KIRREL3: variants seen among roughly 807,000 people sequenced by gnomAD.
The protein encoded by KIRREL3 is kirre like nephrin family adhesion molecule 3.
A neutral mutation model predicts 89.7 loss-of-function variants in KIRREL3; 36 were observed. That is an observed-to-expected ratio of 0.40 (90% CI 0.31 to 0.53). The LOEUF is 0.53. Ranked by LOEUF, KIRREL3 falls within the 20% of genes least tolerant of loss-of-function variation. The pLI is 0.49. For synonymous variants in KIRREL3, 445 were observed against 441.4 expected (o/e 1.01, Z -0.10); for missense variants, 864 against 1,056.6 (o/e 0.82, Z 2.53).
rs1398660057 is a variant in KIRREL3, at chr11:126,796,346, T to C, written c.55+204109A>G. ...TCCCAGACTGGGCTGACCCAGGGCA[T>C]CAGGGCTGGGGATTGTCTTGGATGG... On this transcript the variant is annotated intron_variant, in intron 1 of 16. Coordinates refer to ENST00000525144, the MANE Select transcript of KIRREL3 (RefSeq NM_032531.4). This position sits in a 1 kb window ranked among gnomAD's most constrained non-coding sequence, Gnocchi z 5.1. Among the ~76,000 whole-genome samples the C allele has an allele frequency of 6.6e-6, 1 of 152,210 alleles. No homozygotes were observed. The highest frequency in any genetic ancestry group is 1.5e-5 in the Non-Finnish European group (1 of 68,040).
rs1947001760 is a variant in KIRREL3 at position 126,694,358 on chromosome 11, C to T, written c.56-131446G>A. ...TCCATTGTATCCTAGTGAGCGTGCACCGGAGTTGTGTCTCCCCTGGCTGTG... is the reference window on the plus strand; with the variant it reads ...TCCATTGTATCCTAGTGAGCGTGCATCGGAGTTGTGTCTCCCCTGGCTGTG... On this transcript the variant is annotated intron_variant, in intron 1 of 16. Coordinates refer to ENST00000525144, the MANE Select transcript of KIRREL3 (RefSeq NM_032531.4). The surrounding 1 kb of genome is among the most constrained non-coding windows in gnomAD (Gnocchi z 4.4). Among the ~76,000 whole-genome samples, 1 of 152,140 alleles carries T rather than the reference C, an allele frequency of 6.6e-6. No individual in the cohort carries two copies. Among genetic ancestry groups the T allele is most frequent in the African/African-American group, 2.4e-5 (1 of 41,430 alleles).
intron 1 of KIRREL3, among the ~76,000 whole-genome samples, chr11:126,911,153 C>G (rs369212211): frequency 6.6e-6 from 1 of 152,080 alleles, no homozygotes; most frequent in East Asian, 1.9e-4. Context: ...GAGGGTGGTG[C>G]TGGTGATGAC....
chr11:126,878,993 G>A (rs1340073382), intron 1 of KIRREL3, among the ~76,000 whole-genome samples: 7 of 152,208 alleles, frequency 4.6e-5, no homozygotes, highest in Non-Finnish European at 8.8e-5. Flanking sequence ...CAATATTAAA[G>A]ACGATCTCTC....
At position 126,541,514 on chromosome 11, in the gene KIRREL3, A is replaced by T. The variant is rs1346757238; in HGVS notation, c.134-14827T>A. 6.6e-6 allele frequency among the ~76,000 whole-genome samples: 1 copy of T among 152,236 alleles called. No individual in the cohort carries two copies. The highest frequency in any genetic ancestry group is 1.5e-5 in the Non-Finnish European group (1 of 68,048). On this transcript the variant is annotated intron_variant, in intron 2 of 16. Coordinates refer to ENST00000525144, the MANE Select transcript of KIRREL3 (RefSeq NM_032531.4). This position sits in a 1 kb window ranked among gnomAD's most constrained non-coding sequence, Gnocchi z 4.8. ...CTCAGATCTATATCCTAAACATTAA[A>T]AAAAGTAAACAAAATAATCATTTAT...
At chr11:126,482,800 A>C (rs1042555492) in intron 4 of KIRREL3, among the ~76,000 whole-genome samples, 2 of 152,088 alleles carry the variant, frequency 1.3e-5, no homozygotes, top group Non-Finnish European at 2.9e-5. Flanking sequence ...GGGCCCCCCC[A>C]CATTCTGTGC....
rs1300126978 is a variant in KIRREL3, at chr11:126,780,149, C to A, written c.56-217237G>T. ...TGGACATGGAAGCACAGGGGAGAGACAAGCGGGGAGAAATTCAGGTTCAAT... is the reference window on the plus strand; with the variant it reads ...TGGACATGGAAGCACAGGGGAGAGAAAAGCGGGGAGAAATTCAGGTTCAAT... On this transcript the variant is annotated intron_variant, in intron 1 of 16. Coordinates refer to ENST00000525144, the MANE Select transcript of KIRREL3 (RefSeq NM_032531.4). The surrounding 1 kb of genome is among the most constrained non-coding windows in gnomAD (Gnocchi z 5.3). Among the ~76,000 whole-genome samples, 1 of 152,018 alleles carries A rather than the reference C, an allele frequency of 6.6e-6. No homozygotes were observed. Among genetic ancestry groups the A allele is most frequent in the African/African-American group, 2.4e-5 (1 of 41,378 alleles).
chr11:126,871,384 T>C (rs186161046), intron 1 of KIRREL3, among the ~76,000 whole-genome samples: 1 of 152,344 alleles, frequency 6.6e-6, no homozygotes, highest in African/African-American at 2.4e-5. Flanking sequence ...TACATTATGC[T>C]GTGTGACTTT....
chr11:126,491,889 A>T lies in KIRREL3; in HGVS notation c.434-18423T>A, dbSNP rs952420718. Among the ~76,000 whole-genome samples the T allele has an allele frequency of 2.0e-5, 3 of 151,912 alleles. No individual in the cohort carries two copies. The highest frequency in any genetic ancestry group is 7.3e-5 in the African/African-American group (3 of 41,330). ...GCTAATTTTTGTATTTTTAGTAGAGATGGGGTTTCACCATGTTGGCCAGGC... is the reference window on the plus strand; with the variant it reads ...GCTAATTTTTGTATTTTTAGTAGAGTTGGGGTTTCACCATGTTGGCCAGGC... On this transcript the variant is annotated intron_variant, in intron 4 of 16. Coordinates refer to ENST00000525144, the MANE Select transcript of KIRREL3 (RefSeq NM_032531.4). This position sits in a 1 kb window ranked among gnomAD's most constrained non-coding sequence, Gnocchi z 5.5.
intron 1 of KIRREL3, among the ~76,000 whole-genome samples, chr11:126,818,366 G>A (rs1951652174): frequency 1.3e-5 from 2 of 152,136 alleles, no homozygotes; most frequent in South Asian, 4.2e-4. Flanking sequence ...GGCTCAATAG[G>A]CTTTCACATA....
rs1351332639 is a variant in KIRREL3, at chr11:126,987,886, T to C, written c.55+12569A>G. Among the ~76,000 whole-genome samples, 1 of 152,222 alleles carries C rather than the reference T, an allele frequency of 6.6e-6. No homozygotes were observed. Among genetic ancestry groups the C allele is most frequent in the Non-Finnish European group, 1.5e-5 (1 of 68,036 alleles). On this transcript the variant is annotated intron_variant, in intron 1 of 16. Coordinates refer to ENST00000525144, the MANE Select transcript of KIRREL3 (RefSeq NM_032531.4). This position sits in a 1 kb window ranked among gnomAD's most constrained non-coding sequence, Gnocchi z 4.6. ...GGTAGACATGTGCCATCTTCTAAAATGATTTCTGACACAAGGTAAGTTGTA... is the reference window on the plus strand; with the variant it reads ...GGTAGACATGTGCCATCTTCTAAAACGATTTCTGACACAAGGTAAGTTGTA...
rs1944269781 is a variant in KIRREL3 at position 126,636,514 on chromosome 11, T to A, written c.56-73602A>T. 6.6e-6 allele frequency among the ~76,000 whole-genome samples: 1 copy of A among 152,198 alleles called. No homozygotes were observed. Among genetic ancestry groups the A allele is most frequent in the Admixed American group, 6.5e-5 (1 of 15,284 alleles). ...TGGATATGTGGCAGCTCTGCCTTCG[T>A]GTTGGGCTCACATTACAGACATTTG... On this transcript the variant is annotated intron_variant, in intron 1 of 16. Transcript: ENST00000525144. The surrounding 1 kb of genome is among the most constrained non-coding windows in gnomAD (Gnocchi z 4.4).
chr11:127,000,536 C>T lies in KIRREL3; in HGVS notation c.-27G>A. 1 of 1,591,362 alleles carries T rather than the reference C, an allele frequency of 6.3e-7. No individual in the cohort carries two copies. Among genetic ancestry groups the T allele is most frequent in the Non-Finnish European group, 8.6e-7 (1 of 1,169,128 alleles). On this transcript the variant is annotated 5_prime_UTR_variant, in exon 1 of 17. Coordinates refer to ENST00000525144, the MANE Select transcript of KIRREL3 (RefSeq NM_032531.4). The surrounding 1 kb of genome is among the most constrained non-coding windows in gnomAD (Gnocchi z 7.1). Reference sequence around the variant, plus strand: ...CCTTAGCGCAGCGAAGGAAAGCCGGCGGGGTAACTTGGCTGTGGTTAGTTT... The same window carrying T: ...CCTTAGCGCAGCGAAGGAAAGCCGGTGGGGTAACTTGGCTGTGGTTAGTTT...
intron 5 of KIRREL3, among the ~76,000 whole-genome samples, chr11:126,466,551 C>T (rs1460410647): frequency 6.6e-6 from 1 of 152,198 alleles, no homozygotes; most frequent in African/African-American, 2.4e-5. Flanking sequence ...GGATCTGCAC[C>T]CCCGGGTTTC....
chr11:126,827,285 C>T (rs1943450482), intron 1 of KIRREL3, among the ~76,000 whole-genome samples: 1 of 151,968 alleles, frequency 6.6e-6, no homozygotes, highest in Admixed American at 6.6e-5. Context: ...TCAAGTGAGT[C>T]TTCTGCTTCA....
At chr11:126,552,567 T>G (rs1351025830) in intron 2 of KIRREL3, among the ~76,000 whole-genome samples, 1 of 138,596 alleles carries the variant, frequency 7.2e-6, no homozygotes, top group Non-Finnish European at 1.6e-5. Flanking sequence ...TTTTTTTTTT[T>G]TTTTTTTTTT....
rs565185315 is a variant in KIRREL3 at position 126,594,488 on chromosome 11, A to G, written c.56-31576T>C. On this transcript the variant is annotated intron_variant, in intron 1 of 16. Coordinates refer to ENST00000525144, the MANE Select transcript of KIRREL3 (RefSeq NM_032531.4). The surrounding 1 kb of genome is among the most constrained non-coding windows in gnomAD (Gnocchi z 5.0). The stretch of plus-strand genomic sequence containing the variant: ...AAACTGTCAAATCTCAGCTCCTTCC[A>G]CTTTTTTCGCTGTGTAACTTTAGAA... Among the ~76,000 whole-genome samples the G allele has an allele frequency of 6.6e-6, 1 of 152,238 alleles. No homozygotes were observed. Among genetic ancestry groups the G allele is most frequent in the South Asian group, 2.1e-4 (1 of 4,818 alleles).
At chr11:126,893,459 C>A (rs1186669855) in intron 1 of KIRREL3, among the ~76,000 whole-genome samples, 1 of 152,184 alleles carries the variant, frequency 6.6e-6, no homozygotes, top group South Asian at 2.1e-4. Flanking sequence ...CGTGGGGATG[C>A]CCCTGTTTCC....
chr11:126,715,705 C>A lies in KIRREL3; in HGVS notation c.56-152793G>T, dbSNP rs1275645111. On this transcript the variant is annotated intron_variant, in intron 1 of 16. Coordinates refer to ENST00000525144, the MANE Select transcript of KIRREL3 (RefSeq NM_032531.4). This position sits in a 1 kb window ranked among gnomAD's most constrained non-coding sequence, Gnocchi z 4.4. ...AGATTAGAAATAAAAGAAGGGCAGG[C>A]AAAAGGAGGAAAGAGAATGCGGGGG... Among the ~76,000 whole-genome samples the A allele has an allele frequency of 1.3e-5, 2 of 151,934 alleles. No individual in the cohort carries two copies. Among genetic ancestry groups the A allele is most frequent in the Non-Finnish European group, 2.9e-5 (2 of 67,990 alleles).
rs779990634 is a variant in KIRREL3, at chr11:126,477,649, G to A, written c.434-4183C>T. 2.0e-5 allele frequency among the ~76,000 whole-genome samples: 3 copies of A among 152,126 alleles called. No homozygotes were observed. The highest frequency in any genetic ancestry group is 2.1e-4 in the South Asian group (1 of 4,828). ...ACAGTTTGCCAGGTTGGCCAGCCTC[G>A]TCTGAGCAGGCTGGAAAAACTCTCT... On this transcript the variant is annotated intron_variant, in intron 4 of 16. Coordinates refer to ENST00000525144, the MANE Select transcript of KIRREL3 (RefSeq NM_032531.4). This position sits in a 1 kb window ranked among gnomAD's most constrained non-coding sequence, Gnocchi z 4.8.
Sources: allele counts gnomAD v4.1 joint callset (sites outside exome capture counted in the v4.1 genomes callset), GRCh38; gene constraint gnomAD v4.1.1; non-coding constraint Gnocchi (gnomAD v3.1); transcripts MANE v1.5; gene names NCBI Gene and HGNC (gene_info 2026-07-23, HGNC 2026-07-21).